The following LRRIQ3 variants were observed in gnomAD, a reference collection of about 807,000 sequenced individuals.
LRRIQ3 encodes leucine-rich repeat and IQ domain-containing protein 3.
In LRRIQ3, 75 loss-of-function variants were observed where a neutral mutation model predicts 59.3. The ratio of observed to expected loss-of-function variants is 1.26; its 90% CI spans 1.05 to 1.53. The LOEUF is 1.53. LRRIQ3 is among the 40% of genes most tolerant of loss of function. The probability of loss-of-function intolerance (pLI) is 0.00; values close to 1 mark genes in which losing one functional copy is unlikely to be tolerated. For synonymous variants in LRRIQ3, 250 were observed against 231.3 expected (o/e 1.08, Z -0.73); for missense variants, 831 against 710.0 (o/e 1.17, Z -1.94).
At chr1:74,171,976 CTTTCA>C (rs760739163) in intron 3 of LRRIQ3, among the ~76,000 whole-genome samples, 2 of 151,972 alleles carry the variant, frequency 1.3e-5, no homozygotes, top group East Asian at 1.9e-4. Flanking sequence ...AATGTCTCTT[CTTTCA>C]TTTCTGAGTT....
intron 3 of LRRIQ3, among the ~76,000 whole-genome samples, chr1:74,172,204 C>CT (rs1649367398): frequency 6.6e-6 from 1 of 151,734 alleles, no homozygotes; most frequent in Non-Finnish European, 1.5e-5. Context: ...ATCATTTTTT[C>CT]TTTTTTAAAA....
Position 74,198,129 on chromosome 1 carries a change from A to G in LRRIQ3, c.-134T>C, listed in dbSNP as rs1466290313. On this transcript the variant is annotated 5_prime_UTR_variant, in exon 1 of 8. Transcript: ENST00000354431. ...AAACAAGACAACATCCAAGTTCTCC[A>G]CATCATGGTTTTCCGGGCGCCAGCC... 3.5e-6 allele frequency: 5 copies of G among 1,443,182 alleles called. No homozygotes were observed. The highest frequency in any genetic ancestry group is 3.7e-6 in the Non-Finnish European group (4 of 1,091,898). 89.4% of individuals were successfully genotyped at this position (1,443,182 alleles called of 1,614,324 possible).
chr1:74,101,333 GA>G (rs1210585824), intron 5 of LRRIQ3, among the ~76,000 whole-genome samples: 3 of 152,136 alleles, frequency 2.0e-5, no homozygotes, highest in African/African-American at 7.2e-5. Flanking sequence ...GGCCATCAGA[GA>G]AATGCAAATA....
intron 3 of LRRIQ3, among the ~76,000 whole-genome samples, chr1:74,179,417 T>C (rs1449069563): frequency 6.6e-6 from 1 of 152,004 alleles, no homozygotes; most frequent in Non-Finnish European, 1.5e-5. Flanking sequence ...AATGAGCATA[T>C]GCTTCTTTAA....
At chr1:74,175,418 G>A (rs1649581640) in intron 3 of LRRIQ3, among the ~76,000 whole-genome samples, 1 of 152,084 alleles carries the variant, frequency 6.6e-6, no homozygotes, top group South Asian at 2.1e-4. Flanking sequence ...AGGCAAGATA[G>A]AAGTGCACTT....
intron 3 of LRRIQ3, among the ~76,000 whole-genome samples, chr1:74,172,248 C>T (rs1193747356): frequency 6.6e-6 from 1 of 151,994 alleles, no homozygotes; most frequent in Non-Finnish European, 1.5e-5. Context: ...TATCATACTG[C>T]TTTTACTTTA....
chr1:74,171,392 T>C (rs757254923), intron 3 of LRRIQ3, among the ~76,000 whole-genome samples: 1 of 152,198 alleles, frequency 6.6e-6, no homozygotes, highest in African/African-American at 2.4e-5. Context: ...TTTCTGCATC[T>C]ATGGAGATAA....
chr1:74,171,262 T>A (rs1196090702), intron 3 of LRRIQ3, among the ~76,000 whole-genome samples: 1 of 152,186 alleles, frequency 6.6e-6, no homozygotes, highest in Non-Finnish European at 1.5e-5. Context: ...CTGTTGAGTA[T>A]GATGTTAACT....
Position 74,183,704 on chromosome 1 carries a change from G to A in LRRIQ3, c.1-20C>T, listed in dbSNP as rs374004159. The A allele has an allele frequency of 5.0e-6, 7 of 1,413,148 alleles. No individual in the cohort carries two copies. In the African/African-American group the frequency reaches 1.0e-4, roughly 21 times the overall value. 87.5% of individuals were successfully genotyped at this position (1,413,148 alleles called of 1,614,324 possible). On this transcript the variant is annotated intron_variant, in intron 1 of 7. Transcript: ENST00000354431. ...AAACATCTAGGAAAGATAAGAAAGT[G>A]CTTTGATTTTTTTTTCCACTTTCAA...
At chr1:74,187,494 C>T (rs7531271) in intron 1 of LRRIQ3, among the ~76,000 whole-genome samples, 79,666 of 151,648 alleles carry the variant, frequency 0.53, 21,318 homozygotes, top group East Asian at 0.82. Context: ...AATGGAAAAC[C>T]AAATATCATA....
In LRRIQ3 at chr1:74,049,151, C is replaced by T. The variant is rs571102604; in HGVS notation, c.998-7218G>A. Among the ~76,000 whole-genome samples the T allele has an allele frequency of 1.3e-5, 2 of 152,214 alleles. 1 individual carries two copies. Among genetic ancestry groups the T allele is most frequent in the South Asian group, 4.1e-4 (2 of 4,826 alleles). ...AGGCAGTAGACAGAAGCACATTTAG[C>T]CTGCTAGGGATACAGAGAGAAAGCC... On this transcript the variant is annotated intron_variant, in intron 6 of 7. Coordinates refer to ENST00000354431, the MANE Select transcript of LRRIQ3 (RefSeq NM_001105659.2).
chr1:74,080,178 C>A (rs1333848591), intron 5 of LRRIQ3, among the ~76,000 whole-genome samples: 1 of 148,114 alleles, frequency 6.8e-6, no homozygotes, highest in East Asian at 1.9e-4. Flanking sequence ...CAAAAAAAAC[C>A]AAAACAGCAA....
chr1:74,182,565 GA>G lies in LRRIQ3; in HGVS notation c.545del (p.Phe182SerfsTer8). 1 of 1,563,502 alleles carries G rather than the reference GA, an allele frequency of 6.4e-7. No individual in the cohort carries two copies. Among genetic ancestry groups the G allele is most frequent in the Non-Finnish European group, 8.7e-7 (1 of 1,155,636 alleles). Reference sequence around the variant, plus strand: ...TTCTCAAAGCTGGGCAGAAATTAAAGAAAAGTCGATGGTTACATGCTTTGAA... The same window carrying G: ...TTCTCAAAGCTGGGCAGAAATTAAAGAAAGTCGATGGTTACATGCTTTGAA... ...ERFKACNHRL[F>X]FNFCPALRKG... is the part of the protein sequence containing the mutation. On this transcript the variant is annotated frameshift_variant, in exon 3 of 8. Transcript: ENST00000354431. LOFTEE classifies it high-confidence loss of function.
chr1:74,153,970 G>A (rs1202506214), intron 4 of LRRIQ3, among the ~76,000 whole-genome samples: 1 of 151,960 alleles, frequency 6.6e-6, no homozygotes, highest in Non-Finnish European at 1.5e-5. Flanking sequence ...GGCTGGGCGC[G>A]GTAGTTCACG....
chr1:74,185,016 G>A (rs971396720), intron 1 of LRRIQ3, among the ~76,000 whole-genome samples: 1 of 152,038 alleles, frequency 6.6e-6, no homozygotes, highest in Non-Finnish European at 1.5e-5. Flanking sequence ...ACATTCCATC[G>A]CATGGATGCA....
At chr1:74,050,202 G>T (rs1261466733) in intron 6 of LRRIQ3, among the ~76,000 whole-genome samples, 1 of 152,074 alleles carries the variant, frequency 6.6e-6, no homozygotes, top group Non-Finnish European at 1.5e-5. Flanking sequence ...GACTACAGGA[G>T]TGAGCCACCA....
intron 5 of LRRIQ3, among the ~76,000 whole-genome samples, chr1:74,107,051 C>A (rs990243451): frequency 1.3e-5 from 2 of 151,974 alleles, no homozygotes; most frequent in Non-Finnish European, 2.9e-5. Flanking sequence ...TTAGTTCTTG[C>A]TCCATAAACA....
At chr1:74,130,078 A>C (rs1646990492) in intron 4 of LRRIQ3, among the ~76,000 whole-genome samples, 1 of 151,956 alleles carries the variant, frequency 6.6e-6, no homozygotes, top group Non-Finnish European at 1.5e-5. Context: ...GGGGTGATGC[A>C]AACCCTCCCT....
chr1:74,067,663 T>A (rs904613894), intron 6 of LRRIQ3, among the ~76,000 whole-genome samples: 1 of 152,094 alleles, frequency 6.6e-6, no homozygotes, highest in Non-Finnish European at 1.5e-5. Context: ...TATCTGCTTT[T>A]TTTTCTTAAT....
Sources: allele counts gnomAD v4.1 joint callset (sites outside exome capture counted in the v4.1 genomes callset), GRCh38; gene constraint gnomAD v4.1.1; transcripts MANE v1.5; gene names NCBI Gene and HGNC (gene_info 2026-07-23, HGNC 2026-07-21).